GLP1R: variants seen among roughly 807,000 people sequenced by gnomAD.
GLP1R encodes glucagon like peptide 1 receptor.
In GLP1R, 32 loss-of-function variants were observed where a neutral mutation model predicts 68.4. The observed-to-expected ratio is 0.47, with a 90% confidence interval of 0.35 to 0.63. The LOEUF (loss-of-function observed/expected upper bound fraction) is 0.63, where lower values mean the gene tolerates loss of function less well. Ranked by LOEUF, GLP1R falls within the 20% of genes least tolerant of loss-of-function variation. The pLI, the probability that GLP1R is intolerant of heterozygous loss-of-function variation, is 0.00. For synonymous variants in GLP1R, 263 were observed against 244.4 expected (o/e 1.08, Z -0.71); for missense variants, 502 against 594.9 (o/e 0.84, Z 1.62).
At chr6:39,065,670 T>C (rs1465971526) in intron 3 of GLP1R, 41 bp from the exon 4 acceptor site, 1 of 1,323,390 alleles carries the variant, frequency 7.6e-7, no homozygotes, top group Non-Finnish European at 1.1e-6. Context: ...CAGGCTGCCC[T>C]ATTCTGGGCT....
In GLP1R at chr6:39,079,623, C is replaced by T. The variant is rs1768938541; in HGVS notation, c.1103C>T (p.Ala368Val). 2 of 1,611,654 alleles carry T rather than the reference C, an allele frequency of 1.2e-6. No individual in the cohort carries two copies. Among genetic ancestry groups the T allele is most frequent in the Non-Finnish European group, 1.7e-6 (2 of 1,179,024 alleles). The change falls in exon 11 of 13, where the codon GCC becomes GTC. Residue 368 changes from alanine to valine, a missense_variant. By Grantham distance (64) the Ala-to-Val change is moderately conservative. Transcript: ENST00000373256. This position sits in a 1 kb window ranked among gnomAD's most constrained non-coding sequence, Gnocchi z 4.5. ...PLLGTHEVIF[A>V]FVMDEHARGT... The stretch of plus-strand genomic sequence containing the variant: ...CTGGGGACTCATGAGGTCATCTTTG[C>T]CTTTGTGATGGACGAGCACGCCCGG...
chr6:39,077,900 A>G (rs1768873320), intron 7 of GLP1R, among the ~76,000 whole-genome samples: 1 of 152,166 alleles, frequency 6.6e-6, no homozygotes, highest in African/African-American at 2.4e-5. Flanking sequence ...TTAGGAGTTG[A>G]CTGGCAACGT....
intron 5 of GLP1R, among the ~76,000 whole-genome samples, chr6:39,071,508 A>G (rs1768666135): frequency 6.6e-6 from 1 of 152,066 alleles, no homozygotes; most frequent in African/African-American, 2.4e-5. Context: ...TGATATAAAT[A>G]AAGGATTTCA....
Position 39,078,461 on chromosome 6 carries a change from C to T in GLP1R, c.884+79C>T, listed in dbSNP as rs1262142794. 5 of 991,034 alleles carry T rather than the reference C, an allele frequency of 5.0e-6. No homozygotes were observed. In the East Asian group the frequency reaches 9.5e-5, roughly 19 times the overall value. 61.4% of individuals were successfully genotyped at this position (991,034 alleles called of 1,614,324 possible). A position where few individuals can be genotyped will look rare whatever the true frequency, so the allele number is the denominator to read the frequency against. On this transcript the variant is annotated intron_variant, in intron 8 of 12. Coordinates refer to ENST00000373256, the MANE Select transcript of GLP1R (RefSeq NM_002062.5). Reference sequence around the variant, plus strand: ...CCATGGGATTCCTTGGTACCTGGGGCACCCATCTGTTGAGAGGATAAAGGG... The same window carrying T: ...CCATGGGATTCCTTGGTACCTGGGGTACCCATCTGTTGAGAGGATAAAGGG...
chr6:39,076,075 C>A (rs1000617370), intron 7 of GLP1R, among the ~76,000 whole-genome samples: 1 of 152,134 alleles, frequency 6.6e-6, no homozygotes. Flanking sequence ...GAAATGCTGA[C>A]GATGAGTGAA....
intron 7 of GLP1R, among the ~76,000 whole-genome samples, 179 bp from the exon 8 acceptor site, chr6:39,078,143 G>T (rs1365977143): frequency 1.3e-5 from 2 of 152,120 alleles, no homozygotes; most frequent in Non-Finnish European, 2.9e-5. Flanking sequence ...GTCCGCATGG[G>T]GCTCCTGCTG....
At chr6:39,068,854 G>A (rs2150829604) in intron 5 of GLP1R, among the ~76,000 whole-genome samples, 1 of 152,324 alleles carries the variant, frequency 6.6e-6, no homozygotes, top group Non-Finnish European at 1.5e-5. Flanking sequence ...GATCTCTGAA[G>A]TGCATTCAGG....
intron 12 of GLP1R, among the ~76,000 whole-genome samples, chr6:39,084,965 G>A (rs1387987665): frequency 6.6e-6 from 1 of 152,134 alleles, no homozygotes; most frequent in Admixed American, 6.5e-5. Flanking sequence ...AGACACTCTG[G>A]TGTGGGAAGG....
At chr6:39,070,101 G>A (rs4711573) in intron 5 of GLP1R, among the ~76,000 whole-genome samples, 69,080 of 152,034 alleles carry the variant, frequency 0.45, 16,368 homozygotes, top group Non-Finnish European at 0.51. Context: ...TTATAAGGAC[G>A]CTAATCCCAT....
chr6:39,057,587 C>G lies in GLP1R; in HGVS notation c.283+8C>G, dbSNP rs200142223. On this transcript the variant is annotated splice_region_variant and intron_variant, in intron 3 of 12. Transcript: ENST00000373256. Reference sequence around the variant, plus strand: ...TGCCCTGGGCCAGCAGTGGTGAGCCCCCTCCCCGACCTGGTACCTGCCCTG... The same window carrying G: ...TGCCCTGGGCCAGCAGTGGTGAGCCGCCTCCCCGACCTGGTACCTGCCCTG... The G allele has an allele frequency of 3.2e-5, 49 of 1,527,590 alleles. No homozygotes were observed. The highest frequency in any genetic ancestry group is 1.3e-5 in the Non-Finnish European group (15 of 1,113,348). The allele number at this position is 1,527,590 out of a possible 1,614,324, so 94.6% of individuals were successfully genotyped here.
chr6:39,050,156 C>T (rs1047244061), intron 1 of GLP1R, among the ~76,000 whole-genome samples: 1 of 152,152 alleles, frequency 6.6e-6, no homozygotes, highest in Non-Finnish European at 1.5e-5. Flanking sequence ...TGTCCTGAGC[C>T]CCAGGAGACA....
Position 39,088,504 on chromosome 6 carries a change from GAC to G in GLP1R, c.*2432_*2433del, listed in dbSNP as rs1010268159. ...GCCTCTGTCCTGGGGTACTATTGCT[GAC>G]CAGCAGGGTGTAGGCGCTGCTTTTG... On this transcript the variant is annotated 3_prime_UTR_variant, in exon 13 of 13. Coordinates refer to ENST00000373256, the MANE Select transcript of GLP1R (RefSeq NM_002062.5). 5.3e-5 allele frequency among the ~76,000 whole-genome samples: 8 copies of G among 152,198 alleles called. No individual in the cohort carries two copies. The highest frequency in any genetic ancestry group is 8.8e-5 in the Non-Finnish European group (6 of 68,046).
At chr6:39,058,680 T>TCAC (rs1768279673) in intron 3 of GLP1R, among the ~76,000 whole-genome samples, 2 of 149,880 alleles carry the variant, frequency 1.3e-5, no homozygotes, top group East Asian at 4.1e-4. Flanking sequence ...ACCATCACCA[T>TCAC]CATCATCGTC....
chr6:39,052,912 C>T (rs1012188880), intron 1 of GLP1R, among the ~76,000 whole-genome samples: 2 of 152,164 alleles, frequency 1.3e-5, no homozygotes, highest in African/African-American at 4.8e-5. Flanking sequence ...CTGTCCAGTG[C>T]TCCTTCCTGT....
In GLP1R at chr6:39,061,949, A is replaced by G. The variant is rs1768367458; in HGVS notation, c.284-3762A>G. The stretch of plus-strand genomic sequence containing the variant: ...GAGCCTGGCCTTTGACCCTCACCTC[A>G]CTCCCTTGGGGAGGCCCTGTGCCTG... On this transcript the variant is annotated intron_variant, in intron 3 of 12. Transcript: ENST00000373256. Among the ~76,000 whole-genome samples the G allele has an allele frequency of 2.0e-5, 3 of 151,528 alleles. No individual in the cohort carries two copies. In the South Asian group the frequency reaches 6.3e-4, roughly 32 times the overall value.
At position 39,088,213 on chromosome 6, in the gene GLP1R, C is replaced by A. The variant is rs139686865; in HGVS notation, c.*2140C>A. On this transcript the variant is annotated 3_prime_UTR_variant, in exon 13 of 13. Transcript: ENST00000373256. The stretch of plus-strand genomic sequence containing the variant: ...AGACCCCTACACCCAAGTCTTTTAA[C>A]ACGGAGGAAGTTTTTCCTTCATGAA... Among the ~76,000 whole-genome samples the A allele has an allele frequency of 1.8e-3, 270 of 152,196 alleles. 1 individual carries two copies. Among genetic ancestry groups the A allele is most frequent in the African/African-American group, 5.8e-3 (242 of 41,512 alleles).
chr6:39,065,028 G>A (rs987946160), intron 3 of GLP1R, among the ~76,000 whole-genome samples: 1 of 152,124 alleles, frequency 6.6e-6, no homozygotes, highest in East Asian at 1.9e-4. Flanking sequence ...TTCTATGGGG[G>A]ATCTCCAAAG....
intron 1 of GLP1R, among the ~76,000 whole-genome samples, chr6:39,053,083 T>C (rs918787859): frequency 2.0e-5 from 3 of 152,136 alleles, no homozygotes; most frequent in Non-Finnish European, 4.4e-5. Context: ...GCCTGTCAAG[T>C]CTTGATTCTA....
At chr6:39,060,854 G>GT (rs1156586761) in intron 3 of GLP1R, among the ~76,000 whole-genome samples, 1 of 152,226 alleles carries the variant, frequency 6.6e-6, no homozygotes, top group Non-Finnish European at 1.5e-5. Flanking sequence ...TTAGAGGTGT[G>GT]TGAGTGTGTG....
Sources: gnomAD v4.1 joint callset for allele counts (sites outside exome capture counted in the v4.1 genomes callset) on GRCh38, gnomAD v4.1.1 for gene constraint, Gnocchi (gnomAD v3.1) non-coding constraint, MANE v1.5 for transcripts, NCBI Gene and HGNC (gene_info 2026-07-23, HGNC 2026-07-21) for gene names.